EEPD1: variants seen among roughly 807,000 people sequenced by gnomAD.
EEPD1 encodes endonuclease/exonuclease/phosphatase family domain-containing protein 1.
EEPD1 carries 17 observed loss-of-function variants against 46.3 expected under a neutral mutation model. The ratio of observed to expected loss-of-function variants is 0.37; its 90% CI spans 0.25 to 0.55. The LOEUF is 0.55. Ranked by LOEUF, EEPD1 falls within the 20% of genes least tolerant of loss-of-function variation. The pLI is 0.83. For synonymous variants in EEPD1, 313 were observed against 315.6 expected (o/e 0.99, Z 0.09); for missense variants, 673 against 745.6 (o/e 0.90, Z 1.13).
chr7:36,232,174 G>GT (rs66528116), intron 2 of EEPD1, among the ~76,000 whole-genome samples: 7 of 140,900 alleles, frequency 5.0e-5, no homozygotes, highest in African/African-American at 1.8e-4. Flanking sequence ...TATGTTGCTG[G>GT]TTTTTTTTTT....
chr7:36,197,026 C>G (rs1785610826), intron 2 of EEPD1, among the ~76,000 whole-genome samples: 1 of 151,378 alleles, frequency 6.6e-6, no homozygotes, highest in South Asian at 2.1e-4. Context: ...GCCCCGCCGC[C>G]CCGTCTGGGA....
intron 2 of EEPD1, among the ~76,000 whole-genome samples, chr7:36,163,738 C>T (rs559522957): frequency 1.9e-3 from 296 of 152,048 alleles, no homozygotes; most frequent in African/African-American, 6.6e-3. Flanking sequence ...ATTAGCCAGG[C>T]GTGGTGGCGG....
intron 2 of EEPD1, among the ~76,000 whole-genome samples, chr7:36,198,907 G>C (rs576706185): frequency 6.6e-6 from 1 of 152,140 alleles, no homozygotes; most frequent in Admixed American, 6.5e-5. Flanking sequence ...CAGTGCAGCT[G>C]GTGGGAGGAG....
intron 2 of EEPD1, among the ~76,000 whole-genome samples, chr7:36,187,066 G>A (rs1289074604): frequency 2.0e-5 from 3 of 152,174 alleles, no homozygotes; most frequent in East Asian, 1.9e-4. Flanking sequence ...TGCATTGGCC[G>A]TGGCTCTGTT....
At chr7:36,267,027 G>T (rs1787030596) in intron 3 of EEPD1, among the ~76,000 whole-genome samples, 1 of 152,166 alleles carries the variant, frequency 6.6e-6, no homozygotes, top group South Asian at 2.1e-4. Context: ...TAGTGCTCCT[G>T]TGAACATTCA....
At chr7:36,250,212 A>G (rs941232116) in intron 3 of EEPD1, among the ~76,000 whole-genome samples, 1 of 152,150 alleles carries the variant, frequency 6.6e-6, no homozygotes, top group Non-Finnish European at 1.5e-5. Context: ...ACAGAGCAAG[A>G]CCCTGCCTCA....
chr7:36,233,313 G>A lies in EEPD1; in HGVS notation c.879-5672G>A, dbSNP rs563569080. ...AATTCACGTAGTACCTTTCAACAAG[G>A]GAGGATCCACCCAGTCATCTTGTTT... On this transcript the variant is annotated intron_variant, in intron 2 of 7. Transcript: ENST00000242108. Among the ~76,000 whole-genome samples the A allele has an allele frequency of 1.9e-3, 293 of 152,314 alleles. 2 individuals are homozygous for A. The highest frequency in any genetic ancestry group is 6.9e-3 in the African/African-American group (288 of 41,576).
At chr7:36,293,980 C>T (rs1389275270) in intron 6 of EEPD1, among the ~76,000 whole-genome samples, 1 of 151,302 alleles carries the variant, frequency 6.6e-6, no homozygotes, top group Non-Finnish European at 1.5e-5. Flanking sequence ...AAAAAAGTTT[C>T]AAAACTTCTT....
At position 36,283,993 on chromosome 7, in the gene EEPD1, C is replaced by T. The variant is rs1048054561; in HGVS notation, c.1042-693C>T. ...TTCTTCCACAAGCCCCCAGTGGCGG[C>T]GGCAGCAGCGCAAAGCAGGCATATT... On this transcript the variant is annotated intron_variant, in intron 4 of 7. Coordinates refer to ENST00000242108, the MANE Select transcript of EEPD1 (RefSeq NM_030636.3). 4.6e-5 allele frequency among the ~76,000 whole-genome samples: 7 copies of T among 152,200 alleles called. No individual in the cohort carries two copies. The South Asian group carries it at 6.2e-4, about 13-fold the overall frequency.
chr7:36,215,174 A>C (rs890660443), intron 2 of EEPD1, among the ~76,000 whole-genome samples: 3 of 152,274 alleles, frequency 2.0e-5, no homozygotes, highest in South Asian at 4.1e-4. Context: ...CTGTTGCTTA[A>C]CGATAACCAG....
chr7:36,288,119 TGCC>T (rs1393389690), intron 6 of EEPD1, among the ~76,000 whole-genome samples: 2 of 152,306 alleles, frequency 1.3e-5, no homozygotes, highest in East Asian at 3.9e-4. Flanking sequence ...ACTCCGGTGG[TGCC>T]GCCTGCAGAT....
At chr7:36,200,100 G>GT (rs57314269) in intron 2 of EEPD1, among the ~76,000 whole-genome samples, 21 of 150,872 alleles carry the variant, frequency 1.4e-4, no homozygotes, top group Middle Eastern at 3.4e-3. Context: ...GTACCCAATA[G>GT]TTTTTTTTTT....
At chr7:36,160,464 G>T (rs1784884532) in intron 2 of EEPD1, among the ~76,000 whole-genome samples, 1 of 143,830 alleles carries the variant, frequency 7.0e-6, no homozygotes, top group African/African-American at 2.5e-5. Context: ...CTCCATGGAG[G>T]AATTGGCAAG....
chr7:36,274,718 T>C (rs565379720), intron 3 of EEPD1, among the ~76,000 whole-genome samples: 2 of 152,300 alleles, frequency 1.3e-5, no homozygotes, highest in South Asian at 4.1e-4. Context: ...TGACATTTTG[T>C]AATGACCCCA....
intron 5 of EEPD1, among the ~76,000 whole-genome samples, chr7:36,286,044 C>A (rs1413349079): frequency 6.6e-6 from 1 of 152,144 alleles, no homozygotes; most frequent in Non-Finnish European, 1.5e-5. Context: ...CCACCCTGGG[C>A]CCTTTTTTTA....
intron 6 of EEPD1, 48 bp downstream of exon 6, chr7:36,287,825 G>A (rs775151567): frequency 3.1e-6 from 5 of 1,598,724 alleles, no homozygotes; most frequent in Non-Finnish European, 4.3e-6. Context: ...TTGCAGAGCA[G>A]CAGGGCTGCC....
chr7:36,255,829 A>G (rs550497953), intron 3 of EEPD1, among the ~76,000 whole-genome samples: 10 of 150,248 alleles, frequency 6.7e-5, no homozygotes, highest in Admixed American at 1.3e-4. Context: ...ATCTCCTTCA[A>G]TTCTTCTCTT....
intron 2 of EEPD1, among the ~76,000 whole-genome samples, chr7:36,170,689 A>G (rs1036235482): frequency 6.6e-6 from 1 of 151,946 alleles, no homozygotes; most frequent in East Asian, 1.9e-4. Flanking sequence ...CGCCTTTAAA[A>G]ATATGTCTAA....
chr7:36,278,511 G>A (rs1352254705), intron 3 of EEPD1, among the ~76,000 whole-genome samples: 1 of 149,120 alleles, frequency 6.7e-6, no homozygotes, highest in Non-Finnish European at 1.5e-5. Context: ...GGGGGCGGTG[G>A]GGGGGGCGCT....
Sources: gnomAD v4.1 joint callset for allele counts (sites outside exome capture counted in the v4.1 genomes callset) on GRCh38, gnomAD v4.1.1 for gene constraint, MANE v1.5 for transcripts, NCBI Gene and HGNC (gene_info 2026-07-23, HGNC 2026-07-21) for gene names.